PDE1A: variants seen among roughly 807,000 people sequenced by gnomAD.
PDE1A encodes phosphodiesterase 1A, also known as dual specificity calcium/calmodulin-dependent 3',5'-cyclic nucleotide phosphodiesterase 1A.
PDE1A carries 35 observed loss-of-function variants against 61.7 expected under a neutral mutation model. The observed-to-expected ratio is 0.57, with a 90% CI of 0.43 to 0.75. The LOEUF (loss-of-function observed/expected upper bound fraction) is 0.75. PDE1A is among the 30% of genes least tolerant of loss of function. The probability of loss-of-function intolerance (pLI) is 0.00; values close to 1 mark genes in which losing one functional copy is unlikely to be tolerated. For synonymous variants in PDE1A, 232 were observed against 213.2 expected, an observed-to-expected ratio of 1.09 and a Z score of -0.77; for missense variants, 597 against 630.6, an observed-to-expected ratio of 0.95 and a Z score of 0.57.
intron 2 of PDE1A, among the ~76,000 whole-genome samples, chr2:182,448,464 A>G (rs970269253): frequency 5.3e-5 from 8 of 152,068 alleles, no homozygotes; most frequent in African/African-American, 1.9e-4. Context: ...CCAAAATTGT[A>G]AAGTATATGC....
intron 1 of PDE1A, among the ~76,000 whole-genome samples, chr2:182,383,287 A>C (rs967274395): frequency 2.0e-5 from 3 of 152,072 alleles, no homozygotes; most frequent in Admixed American, 1.3e-4. Context: ...CAAATTCTCA[A>C]GTGCTTCTTA....
At chr2:182,689,968 A>C in the PDE1A span, among the ~76,000 whole-genome samples, 1 of 152,200 alleles carries the variant, frequency 6.6e-6, no homozygotes, top group Non-Finnish European at 1.5e-5. Context: ...CACCCTCCCA[A>C]GACTAAATCA....
chr2:182,445,839 T>C (rs1685095595), intron 2 of PDE1A, among the ~76,000 whole-genome samples: 1 of 152,108 alleles, frequency 6.6e-6, no homozygotes, highest in Non-Finnish European at 1.5e-5. Flanking sequence ...CCTAGAAGTA[T>C]GTTCTTTAAC....
the PDE1A span, among the ~76,000 whole-genome samples, chr2:182,547,037 C>T: frequency 6.6e-6 from 1 of 152,132 alleles, no homozygotes; most frequent in Non-Finnish European, 1.5e-5. Context: ...GAAGTTAGTG[C>T]TCCTTCAGTA....
chr2:182,579,050 A>G, the PDE1A span, among the ~76,000 whole-genome samples: 1 of 152,266 alleles, frequency 6.6e-6, no homozygotes, highest in Non-Finnish European at 1.5e-5. Context: ...GGGAAAAACA[A>G]ATGTTTTCAC....
chr2:182,282,542 T>C (rs537123531), intron 1 of PDE1A, among the ~76,000 whole-genome samples: 72 of 152,110 alleles, frequency 4.7e-4, no homozygotes, highest in African/African-American at 1.7e-3. Context: ...CTCAGCTCTA[T>C]TGCATGCAAC....
At chr2:182,278,264 TGA>T (rs1252380876) in intron 1 of PDE1A, among the ~76,000 whole-genome samples, 2 of 152,056 alleles carry the variant, frequency 1.3e-5, no homozygotes, top group African/African-American at 4.8e-5. Flanking sequence ...ACAATTGAGT[TGA>T]GTCTTCTAAT....
chr2:182,530,298 C>T, the PDE1A span, among the ~76,000 whole-genome samples: 1 of 151,280 alleles, frequency 6.6e-6, no homozygotes, highest in Non-Finnish European at 1.5e-5. Flanking sequence ...AATTTTAAAC[C>T]ACAGTGAAGG....
At chr2:182,488,868 T>C (rs1688194009) in intron 2 of PDE1A, among the ~76,000 whole-genome samples, 1 of 152,198 alleles carries the variant, frequency 6.6e-6, no homozygotes, top group Non-Finnish European at 1.5e-5. Context: ...ACAGTGGATG[T>C]CAACCAGGTG....
At chr2:182,397,723 A>G (rs1488192786) in intron 1 of PDE1A, among the ~76,000 whole-genome samples, 2 of 152,036 alleles carry the variant, frequency 1.3e-5, no homozygotes, top group Admixed American at 1.3e-4. Context: ...ACAGCTTCTT[A>G]TCTCTTTTAC....
intron 7 of PDE1A, among the ~76,000 whole-genome samples, chr2:182,211,987 G>A (rs1176591115): frequency 6.6e-6 from 1 of 151,946 alleles, no homozygotes; most frequent in South Asian, 2.1e-4. Context: ...CATGGGAAGA[G>A]AGAAATTCCT....
intron 1 of PDE1A, among the ~76,000 whole-genome samples, chr2:182,418,982 A>G (rs1703095236): frequency 6.6e-6 from 1 of 152,138 alleles, no homozygotes; most frequent in Admixed American, 6.5e-5. Context: ...ACAAACTGCA[A>G]TCGCTGATAC....
intron 2 of PDE1A, among the ~76,000 whole-genome samples, chr2:182,518,831 A>G (rs1348183055): frequency 6.6e-6 from 1 of 152,146 alleles, no homozygotes; most frequent in Non-Finnish European, 1.5e-5. Flanking sequence ...TCTACCTGAA[A>G]AATGCTCATT....
At chr2:182,566,593 G>A in the PDE1A span, among the ~76,000 whole-genome samples, 1 of 151,796 alleles carries the variant, frequency 6.6e-6, no homozygotes. Flanking sequence ...AGTTTCTCAA[G>A]ATGTAGTTTC....
At chr2:182,563,736 G>A in the PDE1A span, among the ~76,000 whole-genome samples, 12 of 152,292 alleles carry the variant, frequency 7.9e-5, no homozygotes, top group African/African-American at 2.9e-4. Context: ...GAAAGTGGAT[G>A]CTCCTGTATT....
chr2:182,683,409 C>T, the PDE1A span, among the ~76,000 whole-genome samples: 31 of 151,978 alleles, frequency 2.0e-4, no homozygotes, highest in African/African-American at 5.1e-4. Flanking sequence ...AGTATAATAG[C>T]GGAACTGACT....
At chr2:182,510,476 C>G (rs140418278) in intron 2 of PDE1A, among the ~76,000 whole-genome samples, 6 of 152,148 alleles carry the variant, frequency 3.9e-5, no homozygotes, top group Non-Finnish European at 7.4e-5. Context: ...TTACATTTGA[C>G]TAGCTAATTG....
intron 13 of PDE1A, among the ~76,000 whole-genome samples, chr2:182,152,502 C>A (rs919695125): frequency 1.4e-5 from 2 of 144,214 alleles, no homozygotes; most frequent in Non-Finnish European, 3.0e-5. Context: ...CTCACTGCAA[C>A]CTCTGCCTCC....
At chr2:182,348,054 A>C (rs1249463859) in intron 1 of PDE1A, among the ~76,000 whole-genome samples, 1 of 152,188 alleles carries the variant, frequency 6.6e-6, no homozygotes, top group East Asian at 1.9e-4. Flanking sequence ...AGACTATTGC[A>C]CTTAAACTCA....
Sources: allele counts gnomAD v4.1 joint callset (sites outside exome capture counted in the v4.1 genomes callset), GRCh38; gene constraint gnomAD v4.1.1; transcripts MANE v1.5; gene names NCBI Gene and HGNC (gene_info 2026-07-23, HGNC 2026-07-21).